USH2A: variants seen among roughly 807,000 people sequenced by gnomAD.
The protein encoded by USH2A is usherin.
Under a neutral mutation model 538.9 loss-of-function variants are expected in USH2A, and 443 were observed. The observed-to-expected ratio is 0.82, with a 90% CI of 0.76 to 0.89. The LOEUF (loss-of-function observed/expected upper bound fraction) is 0.89. Among genes scored for constraint, USH2A ranks in the 40% least tolerant of loss-of-function variants. USH2A has a pLI of 0.00. For synonymous variants in USH2A, 2,413 were observed against 2,273.5 expected (o/e 1.06, Z -1.75); for missense variants, 6,633 against 6,324.8 (o/e 1.05, Z -1.65).
intron 32 of USH2A, among the ~76,000 whole-genome samples, chr1:216,003,513 T>A (rs796964483): frequency 6.6e-6 from 1 of 151,774 alleles, no homozygotes; most frequent in South Asian, 2.1e-4. Context: ...AGACCTGAAG[T>A]GGGGATGAGT....
At chr1:215,977,640 G>A (rs1363597601) in intron 35 of USH2A, among the ~76,000 whole-genome samples, 2 of 152,028 alleles carry the variant, frequency 1.3e-5, no homozygotes, top group Non-Finnish European at 2.9e-5. Flanking sequence ...AGCCTCCCAA[G>A]TAGCTGGGAT....
intron 55 of USH2A, among the ~76,000 whole-genome samples, chr1:215,770,145 A>G (rs937551610): frequency 3.5e-4 from 53 of 152,154 alleles, no homozygotes; most frequent in African/African-American, 1.2e-3. Context: ...TTTGTCCACT[A>G]TCAGGCTTTG....
At chr1:216,068,921 G>T (rs935411425) in intron 30 of USH2A, among the ~76,000 whole-genome samples, 1 of 152,044 alleles carries the variant, frequency 6.6e-6, no homozygotes, top group African/African-American at 2.4e-5. Flanking sequence ...AAAATAAATT[G>T]TTTTTTCTAT....
intron 46 of USH2A, among the ~76,000 whole-genome samples, chr1:215,840,335 C>T (rs557446430): frequency 3.0e-4 from 46 of 152,098 alleles, no homozygotes; most frequent in Non-Finnish European, 1.8e-4. Context: ...CCTTTGACAT[C>T]GTAATGAAAA....
At chr1:215,651,825 T>G (rs2677112) in intron 64 of USH2A, among the ~76,000 whole-genome samples, 63,089 of 152,138 alleles carry the variant, frequency 0.41, 16,508 homozygotes, top group Non-Finnish European at 0.57. Flanking sequence ...ATTAGACAGA[T>G]TTTTAGTAGT....
intron 64 of USH2A, among the ~76,000 whole-genome samples, chr1:215,668,300 T>C (rs1456506366): frequency 1.3e-5 from 2 of 152,270 alleles, no homozygotes; most frequent in Non-Finnish European, 2.9e-5. Flanking sequence ...AAATGACTTC[T>C]GTAAGATTAC....
intron 19 of USH2A, among the ~76,000 whole-genome samples, chr1:216,191,863 C>A (rs554659606): frequency 6.6e-6 from 1 of 151,600 alleles, no homozygotes; most frequent in East Asian, 2.0e-4. Context: ...AGCAAGAACC[C>A]ACGATGAAAT....
chr1:216,125,289 G>A (rs534279699), intron 21 of USH2A, among the ~76,000 whole-genome samples: 4 of 150,104 alleles, frequency 2.7e-5, no homozygotes, highest in East Asian at 3.9e-4. Context: ...ATCATTAAAC[G>A]TTATCTAAAA....
intron 11 of USH2A, among the ~76,000 whole-genome samples, chr1:216,258,088 C>A (rs1468548959): frequency 6.6e-6 from 1 of 151,980 alleles, no homozygotes; most frequent in Admixed American, 6.6e-5. Context: ...GCCTGATAAT[C>A]TTTGATTTGG....
chr1:216,255,792 CAGTTTGTTCTATTAATTATTGAG>C lies in USH2A; in HGVS notation c.1972-4717_1972-4695del, dbSNP rs370450315. Among the ~76,000 whole-genome samples, 41 of 152,160 alleles carry C rather than the reference CAGTTTGTTCTATTAATTATTGAG, an allele frequency of 2.7e-4. 2 individuals are homozygous for C. Among genetic ancestry groups the C allele is most frequent in the African/African-American group, 9.6e-4 (40 of 41,528 alleles). On this transcript the variant is annotated intron_variant, in intron 11 of 71. Coordinates refer to ENST00000307340, the MANE Select transcript of USH2A (RefSeq NM_206933.4). The stretch of plus-strand genomic sequence containing the variant: ...ATCTATAGATTTACTTATTTCCTGT[CAGTTTGTTCTATTAATTATTGAG>C]AGAAGGGTATTGAAATTTTTGCCGA...
At position 215,999,013 on chromosome 1, in the gene USH2A, T is replaced by C. The variant is rs749247747; in HGVS notation, c.6531A>G (p.Val2177=). The C allele has an allele frequency of 3.1e-6, 5 of 1,612,724 alleles. No individual in the cohort carries two copies. In the South Asian group the frequency reaches 4.4e-5, roughly 14 times the overall value. ...CATGTGTATGGTTTGACATATATAA[T>C]ACATAGCGTTCCAGAATCCCACTTA... ...RKISGILERY[V]LYMSNHTHDF... Residue 2177 remains valine (V), a synonymous_variant, in exon 34 of 72, where the codon GTA becomes GTG. Coordinates refer to ENST00000307340, the MANE Select transcript of USH2A (RefSeq NM_206933.4).
At position 216,376,889 on chromosome 1, in the gene USH2A, G is replaced by C. The variant is rs1234439916; in HGVS notation, c.652-11804C>G. ...CCATATAAACAAAACAGGGGTGAAT[G>C]CTCACTTACACTGTGCATGAGTTAT... On this transcript the variant is annotated intron_variant, in intron 3 of 71. Transcript: ENST00000307340. 3.9e-5 allele frequency among the ~76,000 whole-genome samples: 6 copies of C among 152,234 alleles called. 1 individual carries two copies. In the East Asian group the frequency reaches 1.2e-3, roughly 29 times the overall value.
intron 60 of USH2A, among the ~76,000 whole-genome samples, chr1:215,733,295 G>A (rs952178175): frequency 9.9e-5 from 15 of 152,210 alleles, no homozygotes; most frequent in African/African-American, 3.1e-4. Flanking sequence ...TAAGGGCATG[G>A]TGCTACACCA....
intron 49 of USH2A, among the ~76,000 whole-genome samples, chr1:215,802,143 T>C (rs1204380599): frequency 6.6e-6 from 1 of 151,946 alleles, no homozygotes; most frequent in Non-Finnish European, 1.5e-5. Context: ...AAGATCTAGA[T>C]GTAAAAGCTA....
At chr1:216,084,675 T>A (rs763447880) in intron 25 of USH2A, 23 bp downstream of exon 25, 2 of 1,611,020 alleles carry the variant, frequency 1.2e-6, no homozygotes, top group Non-Finnish European at 1.7e-6. Context: ...AAGTGAACAC[T>A]CATGTCTTTT....
Position 215,790,211 on chromosome 1 carries a change from A to C in USH2A, c.10030T>G (p.Ser3344Ala). ...TICCSASSGE[S>A]KAHIKKNDPV... is the part of the protein sequence containing the mutation. ...TCATTCTTTTTAATATGTGCTTTAG[A>C]CTCTCCACTGGAAGCTGAGCAGCAT... Residue 3344 changes from serine (S) to alanine (A), a missense_variant, in exon 51 of 72, where the codon TCT becomes GCT. Transcript: ENST00000307340. 1 of 1,613,950 alleles carries C rather than the reference A, an allele frequency of 6.2e-7. No individual in the cohort carries two copies. The highest frequency in any genetic ancestry group is 1.7e-5 in the Admixed American group (1 of 59,982).
At chr1:216,120,478 C>T (rs745976536) in intron 21 of USH2A, among the ~76,000 whole-genome samples, 14 of 151,780 alleles carry the variant, frequency 9.2e-5, no homozygotes, top group Non-Finnish European at 1.6e-4. Flanking sequence ...CTCCCGGGTT[C>T]ACGCCATTCT....
intron 9 of USH2A, among the ~76,000 whole-genome samples, chr1:216,293,779 G>T (rs2037051513): frequency 6.6e-6 from 1 of 152,156 alleles, no homozygotes; most frequent in Admixed American, 6.5e-5. Flanking sequence ...TGATAAATGT[G>T]TAGTGCGCAA....
At chr1:216,123,903 A>G (rs1407266805) in intron 21 of USH2A, among the ~76,000 whole-genome samples, 1 of 151,990 alleles carries the variant, frequency 6.6e-6, no homozygotes, top group African/African-American at 2.4e-5. Context: ...TTTTTTTCTT[A>G]CAGAGAAGTC....
Sources: gnomAD v4.1 joint callset for allele counts (sites outside exome capture counted in the v4.1 genomes callset) on GRCh38, gnomAD v4.1.1 for gene constraint, MANE v1.5 for transcripts, NCBI Gene and HGNC (gene_info 2026-07-23, HGNC 2026-07-21) for gene names.